The following MTSS1 variants were observed in gnomAD, a reference collection of about 807,000 sequenced individuals.
MTSS1 encodes protein MTSS 1.
Under a neutral mutation model 79.0 loss-of-function variants are expected in MTSS1, and 18 were observed. The ratio of observed to expected loss-of-function variants is 0.23; its 90% confidence interval spans 0.16 to 0.34. MTSS1 has a LOEUF of 0.34. MTSS1 is among the 10% of genes least tolerant of loss of function. MTSS1 has a pLI of 1.00. For missense variants in MTSS1, 815 were observed against 986.2 expected (o/e 0.83, Z 2.33); for synonymous variants, 341 against 368.6 (o/e 0.93, Z 0.86).
rs189563835 is a variant in MTSS1 at position 124,612,691 on chromosome 8, C to T, written c.209-21456G>A. Among the ~76,000 whole-genome samples the T allele has an allele frequency of 1.2e-4, 18 of 149,540 alleles. No homozygotes were observed. The South Asian group carries it at 2.1e-3, about 18-fold the overall frequency. On this transcript the variant is annotated intron_variant, in intron 3 of 13. Coordinates refer to ENST00000518547, the MANE Select transcript of MTSS1 (RefSeq NM_014751.6). Reference sequence around the variant, plus strand: ...CACAAAGAAACACAAGTGAACCTAACGGCAGGGACAGATTTCATCACCAGG... The same window carrying T: ...CACAAAGAAACACAAGTGAACCTAATGGCAGGGACAGATTTCATCACCAGG...
chr8:124,626,729 G>A (rs185260569), intron 3 of MTSS1, among the ~76,000 whole-genome samples: 1 of 152,038 alleles, frequency 6.6e-6, no homozygotes, highest in Non-Finnish European at 1.5e-5. Context: ...GGTGCAGTGA[G>A]GACCAATCAG....
intron 3 of MTSS1, among the ~76,000 whole-genome samples, chr8:124,695,070 T>C (rs1234571715): frequency 6.6e-6 from 1 of 152,190 alleles, no homozygotes; most frequent in African/African-American, 2.4e-5. Context: ...TGTTTAACAA[T>C]AGGTACATAA....
chr8:124,635,962 T>G (rs1419857914), intron 3 of MTSS1, among the ~76,000 whole-genome samples: 1 of 152,088 alleles, frequency 6.6e-6, no homozygotes, highest in African/African-American at 2.4e-5. Context: ...GGAAGAACAC[T>G]CAGCTCTCTA....
chr8:124,588,980 G>A (rs1831355414), intron 5 of MTSS1, among the ~76,000 whole-genome samples: 1 of 151,808 alleles, frequency 6.6e-6, no homozygotes, highest in Non-Finnish European at 1.5e-5. Flanking sequence ...CTCCTGAAGT[G>A]CTGGAATTAC....
intron 4 of MTSS1, among the ~76,000 whole-genome samples, chr8:124,590,941 AGGCAGG>A (rs1831765835): frequency 6.6e-6 from 1 of 152,242 alleles, no homozygotes; most frequent in African/African-American, 2.4e-5. Flanking sequence ...GGCTCTGTGA[AGGCAGG>A]GGCCTGGCTG....
chr8:124,705,415 G>A (rs1830253787), intron 1 of MTSS1, among the ~76,000 whole-genome samples: 1 of 152,144 alleles, frequency 6.6e-6, no homozygotes, highest in Admixed American at 6.5e-5. Flanking sequence ...AGGTTACGGT[G>A]AGCTGAGATC....
At chr8:124,719,868 A>C (rs778465703) in intron 1 of MTSS1, among the ~76,000 whole-genome samples, 2 of 152,154 alleles carry the variant, frequency 1.3e-5, no homozygotes, top group Non-Finnish European at 2.9e-5. Flanking sequence ...ATACTCAACA[A>C]CTTTAAGAGG....
At chr8:124,657,147 T>C (rs1230516964) in intron 3 of MTSS1, among the ~76,000 whole-genome samples, 2 of 152,130 alleles carry the variant, frequency 1.3e-5, no homozygotes, top group Non-Finnish European at 2.9e-5. Context: ...GTTGGTCTTG[T>C]TGTTGTTTTT....
intron 4 of MTSS1, 62 bp from the exon 5 acceptor site, chr8:124,589,773 T>C: frequency 8.3e-7 from 1 of 1,203,928 alleles, no homozygotes; most frequent in Non-Finnish European, 1.2e-6. Flanking sequence ...TGTCAGGATT[T>C]AAATGTGGTT....
intron 3 of MTSS1, among the ~76,000 whole-genome samples, chr8:124,612,914 G>A (rs1218319064): frequency 6.6e-6 from 1 of 152,020 alleles, no homozygotes; most frequent in Non-Finnish European, 1.5e-5. Context: ...CTAAACAAGT[G>A]GACAAATTCC....
intron 10 of MTSS1, among the ~76,000 whole-genome samples, chr8:124,560,328 C>T (rs111555029): frequency 1.4e-3 from 217 of 152,156 alleles, no homozygotes; most frequent in Admixed American, 4.1e-3. Context: ...GGAGAACAGC[C>T]TGGGCAAGAT....
chr8:124,617,674 G>A (rs1812664934), intron 3 of MTSS1, among the ~76,000 whole-genome samples: 1 of 152,106 alleles, frequency 6.6e-6, no homozygotes, highest in African/African-American at 2.4e-5. Context: ...CACCCTCTGC[G>A]AGCTCACCTA....
chr8:124,677,603 T>C (rs1825517487), intron 3 of MTSS1, among the ~76,000 whole-genome samples: 1 of 152,226 alleles, frequency 6.6e-6, no homozygotes, highest in Non-Finnish European at 1.5e-5. Context: ...GCAGGCTGCA[T>C]TTGGCCCAGA....
intron 3 of MTSS1, among the ~76,000 whole-genome samples, chr8:124,662,486 G>T (rs1328621013): frequency 1.3e-5 from 2 of 152,256 alleles, no homozygotes; most frequent in East Asian, 3.9e-4. Flanking sequence ...CTAACACAGT[G>T]GTTCTCTGTC....
intron 11 of MTSS1, 91 bp downstream of exon 11, chr8:124,557,590 T>G: frequency 3.2e-6 from 4 of 1,232,966 alleles, no homozygotes; most frequent in Non-Finnish European, 4.5e-6. Context: ...AGGAAGGGGA[T>G]GAGGGGATAG....
At chr8:124,660,028 CTT>C (rs368512842) in intron 3 of MTSS1, among the ~76,000 whole-genome samples, 1 of 152,152 alleles carries the variant, frequency 6.6e-6, no homozygotes, top group Non-Finnish European at 1.5e-5. Context: ...GAAGCAGTCT[CTT>C]TTCACATACT....
intron 3 of MTSS1, among the ~76,000 whole-genome samples, chr8:124,622,557 G>A (rs896470352): frequency 6.6e-6 from 1 of 151,360 alleles, no homozygotes; most frequent in African/African-American, 2.4e-5. Context: ...CACTCTTGGA[G>A]GCCAAGGCAG....
chr8:124,572,197 T>C (rs1014778075), intron 6 of MTSS1, among the ~76,000 whole-genome samples: 1 of 152,194 alleles, frequency 6.6e-6, no homozygotes, highest in Non-Finnish European at 1.5e-5. Context: ...AGCAAAGTTA[T>C]TTTAAATGTG....
At chr8:124,569,011 C>CT (rs1827178928) in intron 6 of MTSS1, among the ~76,000 whole-genome samples, 2 of 152,178 alleles carry the variant, frequency 1.3e-5, no homozygotes, top group Non-Finnish European at 2.9e-5. Flanking sequence ...GGATCTGCTC[C>CT]TAAAGACAAA....
Sources: gnomAD v4.1 joint callset for allele counts (sites outside exome capture counted in the v4.1 genomes callset) on GRCh38, gnomAD v4.1.1 for gene constraint, MANE v1.5 for transcripts, NCBI Gene and HGNC (gene_info 2026-07-23, HGNC 2026-07-21) for gene names.